The following DOCK8 variants were observed in gnomAD, a reference collection of about 807,000 sequenced individuals.
The protein encoded by DOCK8 is dedicator of cytokinesis protein 8.
In DOCK8, 141 loss-of-function variants were observed where a neutral mutation model predicts 245.6. That is an observed-to-expected ratio of 0.57 (90% CI 0.50 to 0.66). The LOEUF (loss-of-function observed/expected upper bound fraction) is 0.66. Among genes scored for constraint, DOCK8 ranks in the 30% least tolerant of loss-of-function variants. The probability of loss-of-function intolerance (pLI) is 0.00; values close to 1 mark genes in which losing one functional copy is unlikely to be tolerated. For synonymous variants in DOCK8, 1,168 were observed against 970.2 expected (o/e 1.20, Z -3.79); for missense variants, 2,965 against 2,603.4 (o/e 1.14, Z -3.02).
chr9:277,019 G>A (rs185853856), intron 2 of DOCK8: 1 of 316,320 alleles, frequency 3.2e-6, no homozygotes, highest in Admixed American at 3.3e-5. Flanking sequence ...ATGTTGTCCA[G>A]GCTGGTCTTG....
intron 1 of DOCK8, among the ~76,000 whole-genome samples, chr9:249,023 C>T (rs1428663335): frequency 6.6e-6 from 1 of 152,184 alleles, no homozygotes; most frequent in African/African-American, 2.4e-5. Context: ...AGGTCCCACT[C>T]TTCCAGGTTG....
chr9:401,769 A>G (rs1029322793), intron 26 of DOCK8, among the ~76,000 whole-genome samples: 9 of 152,180 alleles, frequency 5.9e-5, no homozygotes, highest in Admixed American at 2.0e-4. Context: ...AAAGAAAAAG[A>G]CATGACTTTT....
At chr9:334,094 T>C in intron 10 of DOCK8, 131 bp from the exon 11 acceptor site, 1 of 970,736 alleles carries the variant, frequency 1.0e-6, no homozygotes, top group African/African-American at 1.6e-5. Flanking sequence ...TATTTTTTAG[T>C]GGGAAGATAT....
intron 19 of DOCK8, among the ~76,000 whole-genome samples, 189 bp downstream of exon 19, chr9:376,494 C>T (rs1368165843): frequency 1.3e-5 from 2 of 152,150 alleles, no homozygotes; most frequent in African/African-American, 4.8e-5. Flanking sequence ...CTTACAAAAC[C>T]GCCGAGCACC....
intron 1 of DOCK8, chr9:267,838 A>T (rs1474084033): frequency 1.3e-5 from 2 of 152,190 alleles, no homozygotes; most frequent in African/African-American, 4.8e-5. Context: ...ATTTGCTATC[A>T]TGCTATCATA....
intron 14 of DOCK8, among the ~76,000 whole-genome samples, chr9:357,488 A>T (rs1032716631): frequency 6.6e-6 from 1 of 151,486 alleles, no homozygotes; most frequent in Admixed American, 6.6e-5. Context: ...TCTTTCTGTC[A>T]TTTGATTTCT....
At chr9:215,325 A>T (rs2046722142) in intron 1 of DOCK8, 1 of 1,603,200 alleles carries the variant, frequency 6.2e-7, no homozygotes, top group Non-Finnish European at 8.5e-7. Flanking sequence ...CCAGGTTCTT[A>T]CAGGTGGCCG....
chr9:419,286 T>C (rs573554342), intron 30 of DOCK8, among the ~76,000 whole-genome samples: 13 of 152,146 alleles, frequency 8.5e-5, no homozygotes, highest in Non-Finnish European at 1.6e-4. Flanking sequence ...CCATGAGGAT[T>C]GGGGGGACAG....
intron 20 of DOCK8, among the ~76,000 whole-genome samples, chr9:377,415 G>A (rs1361934018): frequency 6.6e-6 from 1 of 152,056 alleles, no homozygotes; most frequent in Non-Finnish European, 1.5e-5. Flanking sequence ...TTAAAATAGG[G>A]TTCTTAATAT....
At chr9:374,458 T>TG (rs2053434589) in intron 18 of DOCK8, among the ~76,000 whole-genome samples, 1 of 139,932 alleles carries the variant, frequency 7.1e-6, no homozygotes, top group South Asian at 2.5e-4. Flanking sequence ...TTTGTGTTTT[T>TG]TTTTTTTTTT....
At chr9:436,012 T>C (rs1161980961) in intron 39 of DOCK8, among the ~76,000 whole-genome samples, 1 of 152,268 alleles carries the variant, frequency 6.6e-6, no homozygotes, top group Non-Finnish European at 1.5e-5. Flanking sequence ...GTTCTTGTTA[T>C]TGTTCTTCAA....
intron 1 of DOCK8, among the ~76,000 whole-genome samples, chr9:221,470 A>G (rs1204115494): frequency 3.9e-5 from 6 of 152,166 alleles, no homozygotes; most frequent in African/African-American, 7.2e-5. Context: ...CTATTTACAT[A>G]GCATTTACAT....
rs1236733931 is a variant in DOCK8, at chr9:283,125, T to C, written c.157-3336T>C. Reference sequence around the variant, plus strand: ...CTGCAAAAGGAAACAATCAAAATTATAGCGGTTAAGAATGTGAGTCTGCCT... The same window carrying C: ...CTGCAAAAGGAAACAATCAAAATTACAGCGGTTAAGAATGTGAGTCTGCCT... On this transcript the variant is annotated intron_variant, in intron 2 of 47. Coordinates refer to ENST00000432829, the MANE Select transcript of DOCK8 (RefSeq NM_203447.4). 2.0e-5 allele frequency among the ~76,000 whole-genome samples: 3 copies of C among 152,318 alleles called. No homozygotes were observed. In the East Asian group the frequency reaches 5.8e-4, roughly 29 times the overall value.
chr9:302,371 T>C (rs1311496599), intron 4 of DOCK8, among the ~76,000 whole-genome samples: 3 of 152,180 alleles, frequency 2.0e-5, no homozygotes, highest in African/African-American at 7.2e-5. Context: ...AGGACTTAAA[T>C]GTAAGACCTA....
chr9:247,277 A>G (rs1009772154), intron 1 of DOCK8, among the ~76,000 whole-genome samples: 5 of 152,190 alleles, frequency 3.3e-5, no homozygotes, highest in South Asian at 2.1e-4. Flanking sequence ...TTTAAAGTCA[A>G]TTGGGGAATC....
At chr9:232,353 T>A (rs2047136257) in intron 1 of DOCK8, among the ~76,000 whole-genome samples, 1 of 152,198 alleles carries the variant, frequency 6.6e-6, no homozygotes, top group Admixed American at 6.5e-5. Flanking sequence ...TGGTCTAAAA[T>A]TCTCTTTTTT....
At position 327,589 on chromosome 9, in the gene DOCK8, G is replaced by A. The variant is rs139106869; in HGVS notation, c.895-433G>A. The stretch of plus-strand genomic sequence containing the variant: ...TTTTTGTATTTTTTGTAGAGGCAGG[G>A]TTTCACCATGTTGCCCAGGCTGGTT... On this transcript the variant is annotated intron_variant, in intron 8 of 47. Coordinates refer to ENST00000432829, the MANE Select transcript of DOCK8 (RefSeq NM_203447.4). Among the ~76,000 whole-genome samples the A allele has an allele frequency of 8.5e-5, 13 of 152,124 alleles. 1 individual carries two copies. The East Asian group carries it at 2.5e-3, about 29-fold the overall frequency.
chr9:334,833 C>G (rs532267721), intron 11 of DOCK8, among the ~76,000 whole-genome samples: 3 of 152,034 alleles, frequency 2.0e-5, no homozygotes, highest in South Asian at 4.1e-4. Flanking sequence ...TGTAATCCCA[C>G]CACTTTGGGA....
At chr9:252,616 A>G (rs2047675625) in intron 1 of DOCK8, among the ~76,000 whole-genome samples, 1 of 152,052 alleles carries the variant, frequency 6.6e-6, no homozygotes, top group Admixed American at 6.6e-5. Flanking sequence ...CAGCCTGGCC[A>G]ACATGGTGAA....
Sources: gnomAD v4.1 joint callset for allele counts (sites outside exome capture counted in the v4.1 genomes callset) on GRCh38, gnomAD v4.1.1 for gene constraint, MANE v1.5 for transcripts, NCBI Gene and HGNC (gene_info 2026-07-23, HGNC 2026-07-21) for gene names.